The following GRM1 variants were observed in gnomAD, a reference collection of about 807,000 sequenced individuals.
The protein encoded by GRM1 is glutamate metabotropic receptor 1, also known as metabotropic glutamate receptor 1.
A neutral mutation model predicts 90.9 loss-of-function variants in GRM1; 33 were observed. The observed-to-expected ratio is 0.36, with a 90% CI of 0.28 to 0.49. The LOEUF (loss-of-function observed/expected upper bound fraction) is 0.49, where lower values mean the gene tolerates loss of function less well. Among genes scored for constraint, GRM1 ranks in the 20% least tolerant of loss-of-function variants. The pLI is 0.99. For synonymous variants in GRM1, 700 were observed against 613.2 expected (o/e 1.14, Z -2.09); for missense variants, 1,190 against 1,534.3 (o/e 0.78, Z 3.75).
chr6:146,401,128 T>C (rs1173118643), intron 7 of GRM1, among the ~76,000 whole-genome samples: 1 of 152,204 alleles, frequency 6.6e-6, no homozygotes, highest in African/African-American at 2.4e-5. Context: ...GCAGAATTTA[T>C]ATACTTTGAG....
chr6:146,109,470 C>G (rs1323527429), intron 1 of GRM1, among the ~76,000 whole-genome samples: 1 of 152,178 alleles, frequency 6.6e-6, no homozygotes, highest in Non-Finnish European at 1.5e-5. Flanking sequence ...GAACCTCTGC[C>G]TAGATTTCAG....
At chr6:146,281,496 C>G (rs1413462808) in intron 2 of GRM1, among the ~76,000 whole-genome samples, 1 of 152,104 alleles carries the variant, frequency 6.6e-6, no homozygotes, top group African/African-American at 2.4e-5. Context: ...TGGCCTTTTG[C>G]TATGTTTGAC....
intron 1 of GRM1, among the ~76,000 whole-genome samples, chr6:146,063,695 T>G (rs974014354): frequency 1.3e-5 from 2 of 152,150 alleles, no homozygotes; most frequent in African/African-American, 2.4e-5. Flanking sequence ...GTTTAGGCTT[T>G]TGAGCACTGA....
chr6:146,144,581 AC>A (rs999205897), intron 1 of GRM1, among the ~76,000 whole-genome samples: 1 of 152,212 alleles, frequency 6.6e-6, no homozygotes, highest in Non-Finnish European at 1.5e-5. Flanking sequence ...TTTATTAATT[AC>A]TCAGTTTTAG....
intron 3 of GRM1, among the ~76,000 whole-genome samples, chr6:146,308,453 G>A (rs1783656374): frequency 6.6e-6 from 1 of 152,106 alleles, no homozygotes; most frequent in Non-Finnish European, 1.5e-5. Context: ...AGAAAACAGG[G>A]CATGACATAG....
intron 2 of GRM1, among the ~76,000 whole-genome samples, chr6:146,283,407 G>C (rs139410687): frequency 6.6e-6 from 1 of 152,072 alleles, no homozygotes; most frequent in African/African-American, 2.4e-5. Context: ...GGAAAACATC[G>C]GGTAGTCCTG....
At chr6:146,031,131 T>A (rs1238045229) in intron 1 of GRM1, among the ~76,000 whole-genome samples, 3 of 152,180 alleles carry the variant, frequency 2.0e-5, no homozygotes, top group East Asian at 3.8e-4. Flanking sequence ...TTTTCAAAAA[T>A]TTTTTATATA....
intron 1 of GRM1, 45 bp downstream of exon 1, chr6:146,030,262 C>T: frequency 7.9e-7 from 1 of 1,268,092 alleles, no homozygotes; most frequent in Non-Finnish European, 1.2e-6. Flanking sequence ...AAAGTCAGGG[C>T]AATGCATGAT....
At chr6:146,420,984 A>C (rs921027721) in intron 7 of GRM1, among the ~76,000 whole-genome samples, 3 of 152,174 alleles carry the variant, frequency 2.0e-5, no homozygotes, top group Admixed American at 1.3e-4. Context: ...AGTATTCATC[A>C]GGATAACAAC....
chr6:146,195,025 T>A (rs1328530624), intron 2 of GRM1, among the ~76,000 whole-genome samples: 1 of 152,222 alleles, frequency 6.6e-6, no homozygotes, highest in Non-Finnish European at 1.5e-5. Context: ...CAGAAGATTG[T>A]AATCACTCCA....
intron 1 of GRM1, among the ~76,000 whole-genome samples, chr6:146,103,685 G>A (rs1409530267): frequency 6.6e-6 from 1 of 152,194 alleles, no homozygotes; most frequent in African/African-American, 2.4e-5. Flanking sequence ...TGGGAATGCT[G>A]TGAGGCTTTT....
intron 1 of GRM1, among the ~76,000 whole-genome samples, chr6:146,100,723 A>G (rs987096638): frequency 6.6e-6 from 1 of 152,190 alleles, no homozygotes; most frequent in South Asian, 2.1e-4. Flanking sequence ...TTTTTAACAT[A>G]CATATACATT....
chr6:146,140,013 T>TC, intron 1 of GRM1, among the ~76,000 whole-genome samples: 1 of 124,700 alleles, frequency 8.0e-6, no homozygotes, highest in African/African-American at 3.0e-5. Context: ...TCCCCTCCCC[T>TC]CACTTCCCCT....
intron 2 of GRM1, among the ~76,000 whole-genome samples, chr6:146,194,136 T>C (rs1217455542): frequency 1.3e-5 from 2 of 152,178 alleles, no homozygotes; most frequent in Non-Finnish European, 1.5e-5. Context: ...TTACTAATAG[T>C]TTAACAACAT....
chr6:146,139,653 G>T (rs888875651), intron 1 of GRM1, among the ~76,000 whole-genome samples: 1 of 151,998 alleles, frequency 6.6e-6, no homozygotes, highest in Non-Finnish European at 1.5e-5. Context: ...CCATTTGCAT[G>T]GAATATAGTT....
intron 1 of GRM1, 37 bp from the exon 2 acceptor site, chr6:146,159,311 C>T (rs779334085): frequency 6.2e-7 from 1 of 1,613,240 alleles, no homozygotes. Context: ...GTTATTGCCA[C>T]AGTTGTCTTG....
chr6:146,256,637 T>C (rs1235218619), intron 2 of GRM1, among the ~76,000 whole-genome samples: 1 of 152,148 alleles, frequency 6.6e-6, no homozygotes, highest in Non-Finnish European at 1.5e-5. Context: ...GCCATCTCCT[T>C]TATCTATTTC....
chr6:146,352,556 G>C (rs1785444341), intron 4 of GRM1, 60 bp downstream of exon 4: 1 of 1,542,866 alleles, frequency 6.5e-7, no homozygotes, highest in African/African-American at 1.4e-5. Context: ...CAGACAGATG[G>C]CAACTGTGGC....
At chr6:146,093,460 G>A (rs1406030652) in intron 1 of GRM1, among the ~76,000 whole-genome samples, 2 of 151,978 alleles carry the variant, frequency 1.3e-5, no homozygotes, top group Non-Finnish European at 2.9e-5. Flanking sequence ...CTAGTTAAAG[G>A]GAGGAGTCCC....
Sources: allele counts gnomAD v4.1 joint callset (sites outside exome capture counted in the v4.1 genomes callset), GRCh38; gene constraint gnomAD v4.1.1; transcripts MANE v1.5; gene names NCBI Gene and HGNC (gene_info 2026-07-23, HGNC 2026-07-21).